Variants in MRTFA observed in about 807,000 individuals in gnomAD.
MRTFA encodes the protein myocardin related transcription factor A, also known as myocardin-related transcription factor A.
Under a neutral mutation model 83.5 loss-of-function variants are expected in MRTFA, and 20 were observed. The observed-to-expected ratio is 0.24, with a 90% CI of 0.17 to 0.35. The LOEUF (loss-of-function observed/expected upper bound fraction) is 0.35, where lower values mean the gene tolerates loss of function less well. Ranked by LOEUF, MRTFA falls within the 10% of genes least tolerant of loss-of-function variation. The pLI is 1.00. For synonymous variants in MRTFA, 659 were observed against 541.2 expected (o/e 1.22, Z -3.02); for missense variants, 1,200 against 1,224.7 (o/e 0.98, Z 0.30).
At chr22:40,530,398 G>T (rs2055057353) in intron 3 of MRTFA, among the ~76,000 whole-genome samples, 1 of 152,218 alleles carries the variant, frequency 6.6e-6, no homozygotes, top group South Asian at 2.1e-4. Context: ...CCAGGTTCAA[G>T]CAATTCTCCT....
chr22:40,520,025 T>C (rs1839482246), intron 3 of MRTFA, among the ~76,000 whole-genome samples: 1 of 152,230 alleles, frequency 6.6e-6, no homozygotes, highest in Non-Finnish European at 1.5e-5. Context: ...CAATTGCATA[T>C]GCCTGTATAA....
At chr22:40,539,507 T>A in intron 3 of MRTFA, among the ~76,000 whole-genome samples, 1 of 142,594 alleles carries the variant, frequency 7.0e-6, no homozygotes, top group Non-Finnish European at 1.6e-5. Flanking sequence ...CCCGGCTAAT[T>A]TTTGTGTTTT....
At chr22:40,441,648 G>A (rs570582150) in intron 4 of MRTFA, among the ~76,000 whole-genome samples, 7 of 152,132 alleles carry the variant, frequency 4.6e-5, no homozygotes, top group South Asian at 2.1e-4. Context: ...TTAGCTGGGC[G>A]TGGTGGTGCG....
At chr22:40,536,918 G>A (rs1343852679) in intron 3 of MRTFA, among the ~76,000 whole-genome samples, 21 of 78,716 alleles carry the variant, frequency 2.7e-4, no homozygotes, top group East Asian at 5.8e-4. Flanking sequence ...CAGCCGCCCC[G>A]TCTGAGAAGT....
At chr22:40,551,451 C>A (rs372910709) in intron 3 of MRTFA, among the ~76,000 whole-genome samples, 1 of 152,110 alleles carries the variant, frequency 6.6e-6, no homozygotes, top group East Asian at 1.9e-4. Context: ...TCACTGCAAC[C>A]TCCGCCTCCT....
chr22:40,570,458 G>C (rs1026721778), intron 2 of MRTFA, among the ~76,000 whole-genome samples: 2 of 151,304 alleles, frequency 1.3e-5, no homozygotes, highest in Admixed American at 6.6e-5. Flanking sequence ...AGCACCTGTA[G>C]TCCCAGCTAC....
intron 4 of MRTFA, among the ~76,000 whole-genome samples, chr22:40,458,472 T>C (rs546888731): frequency 6.6e-6 from 1 of 152,126 alleles, no homozygotes; most frequent in African/African-American, 2.4e-5. Flanking sequence ...CTGAATGACA[T>C]ATAGAAACAG....
intron 4 of MRTFA, among the ~76,000 whole-genome samples, chr22:40,449,068 A>G (rs987886741): frequency 6.6e-6 from 1 of 152,162 alleles, no homozygotes; most frequent in Admixed American, 6.6e-5. Flanking sequence ...CATTGAGACC[A>G]TCCCGGCTAA....
intron 3 of MRTFA, among the ~76,000 whole-genome samples, chr22:40,490,647 A>C (rs188937765): frequency 4.6e-5 from 7 of 152,122 alleles, no homozygotes; most frequent in Non-Finnish European, 7.4e-5. Context: ...TTCTCTCTGC[A>C]AACTGGGCAC....
chr22:40,428,565 G>A (rs950069627), intron 7 of MRTFA, among the ~76,000 whole-genome samples: 1 of 152,214 alleles, frequency 6.6e-6, no homozygotes, highest in African/African-American at 2.4e-5. Context: ...CCAGGCTAGA[G>A]TGCAGTGGCA....
intron 3 of MRTFA, among the ~76,000 whole-genome samples, chr22:40,541,573 G>A (rs1039779645): frequency 6.6e-6 from 1 of 152,168 alleles, no homozygotes; most frequent in African/African-American, 2.4e-5. Flanking sequence ...GAAGTACTGA[G>A]TCAAGACCTG....
chr22:40,435,389 G>T (rs980877405), intron 5 of MRTFA, 110 bp downstream of exon 5: 2 of 1,184,936 alleles, frequency 1.7e-6, no homozygotes, highest in Non-Finnish European at 2.5e-6. Flanking sequence ...AGTCTAGCAG[G>T]CTCTGGCCTC....
chr22:40,572,611 C>T (rs976391147), intron 2 of MRTFA, among the ~76,000 whole-genome samples: 9 of 152,122 alleles, frequency 5.9e-5, no homozygotes, highest in Non-Finnish European at 1.2e-4. Context: ...ACTCCATTTT[C>T]GTGCTGCTGA....
chr22:40,587,162 T>G (rs1602465328), intron 2 of MRTFA: 1 of 461,176 alleles, frequency 2.2e-6, no homozygotes, highest in East Asian at 6.4e-5. Flanking sequence ...TCTGTATTGA[T>G]CATCTTGTGC....
chr22:40,418,873 T>A lies in MRTFA; in HGVS notation c.1865A>T (p.Asp622Val), dbSNP rs150793465. Residue 622 changes from aspartate to valine, a missense_variant, in exon 12 of 15, where the codon GAC becomes GTC. By Grantham distance (152) the Asp-to-Val change is radical. This residue lies in a region of MRTFA where 1,107 missense variants were observed against 1,041.8 expected (regional missense o/e 1.06). Coordinates refer to ENST00000355630, the MANE Select transcript of MRTFA (RefSeq NM_020831.6). ...TTTCTCCTGCAGCATCTGGTCCTTGTCGCGCCCCTCTAGCTCCGCCCGCCC... is the reference window on the plus strand; with the variant it reads ...TTTCTCCTGCAGCATCTGGTCCTTGACGCGCCCCTCTAGCTCCGCCCGCCC... 5 of 1,612,520 alleles carry A rather than the reference T, an allele frequency of 3.1e-6. No individual in the cohort carries two copies. Among genetic ancestry groups the A allele is most frequent in the Non-Finnish European group, 4.2e-6 (5 of 1,179,822 alleles).
chr22:40,546,627 G>A (rs993146988), intron 3 of MRTFA, among the ~76,000 whole-genome samples: 5 of 152,230 alleles, frequency 3.3e-5, no homozygotes, highest in African/African-American at 1.2e-4. Context: ...TGAGAAAGTA[G>A]AGAAAGCAAT....
intron 9 of MRTFA, among the ~76,000 whole-genome samples, 193 bp downstream of exon 9, chr22:40,423,343 G>A (rs570831708): frequency 2.6e-5 from 4 of 152,254 alleles, no homozygotes; most frequent in African/African-American, 9.6e-5. Flanking sequence ...CCATAGCCAC[G>A]AATAATTGGT....
chr22:40,477,928 T>A (rs1273006091), intron 3 of MRTFA, among the ~76,000 whole-genome samples: 1 of 152,096 alleles, frequency 6.6e-6, no homozygotes, highest in African/African-American at 2.4e-5. Context: ...CTGGTAATTA[T>A]AAAGAGCAAG....
At chr22:40,535,866 G>A (rs572728747) in intron 3 of MRTFA, among the ~76,000 whole-genome samples, 1 of 152,258 alleles carries the variant, frequency 6.6e-6, no homozygotes, top group South Asian at 2.1e-4. Flanking sequence ...CAGCACCACA[G>A]GAGATATTGA....
Sources: gnomAD v4.1 joint callset for allele counts (sites outside exome capture counted in the v4.1 genomes callset) on GRCh38, gnomAD v4.1.1 for gene constraint, gnomAD v4.1.1 regional missense constraint, MANE v1.5 for transcripts, NCBI Gene and HGNC (gene_info 2026-07-23, HGNC 2026-07-21) for gene names.